The following KIAA1143 variants were observed in gnomAD, a reference collection of about 807,000 sequenced individuals.
KIAA1143 encodes KIAA1143.
In KIAA1143, 8 loss-of-function variants were observed where a neutral mutation model predicts 17.0. The ratio of observed to expected loss-of-function variants is 0.47; its 90% CI spans 0.28 to 0.85. The LOEUF is 0.85. Among genes scored for constraint, KIAA1143 ranks in the 40% least tolerant of loss-of-function variants. KIAA1143 has a pLI of 0.12. For synonymous variants in KIAA1143, 64 were observed against 67.8 expected, an observed-to-expected ratio of 0.94 and a Z score of 0.27; for missense variants, 162 against 183.3, an observed-to-expected ratio of 0.88 and a Z score of 0.67.
At chr3:44,759,894 C>CAAAAAAAAAAAAAAAAAAAAAAAAA (rs527806223) in intron 1 of KIAA1143, among the ~76,000 whole-genome samples, 1 of 51,110 alleles carries the variant, frequency 2.0e-5, no homozygotes, top group Non-Finnish European at 3.7e-5. Flanking sequence ...GACCCTATCT[C>CAAAAAAAAAAAAAAAAAAAAAAAAA]AAAAAAAAAA....
intron 1 of KIAA1143, among the ~76,000 whole-genome samples, chr3:44,760,530 C>T (rs1251453516): frequency 1.3e-5 from 2 of 152,264 alleles, no homozygotes; most frequent in East Asian, 3.9e-4. Context: ...GCTGGGACTA[C>T]AGGCGCCCGC....
At position 44,753,389 on chromosome 3, in the gene KIAA1143, A is replaced by C. The variant is rs3853404; in HGVS notation, c.417T>G (p.Ile139Met). ...CAAAAGAAAGGAGGCTACTATTTTTAATTTGTTTTTGTGAGTTCTTTTTGA... is the reference window on the plus strand; with the variant it reads ...CAAAAGAAAGGAGGCTACTATTTTTCATTTGTTTTTGTGAGTTCTTTTTGA... ...DSVKKNSQKQ[I>M]KNSSLLSFDN... Residue 139 changes from isoleucine to methionine, a missense_variant, in exon 3 of 3, where the codon ATT becomes ATG. Coordinates refer to ENST00000296121, the MANE Select transcript of KIAA1143 (RefSeq NM_020696.4). 0.039 allele frequency: 62,861 copies of C among 1,599,976 alleles called. 1,364 individuals are homozygous for C. The highest frequency in any genetic ancestry group is 0.065 in the Admixed American group (3,905 of 59,826).
At chr3:44,758,803 T>A (rs149679856) in intron 1 of KIAA1143, among the ~76,000 whole-genome samples, 3 of 152,250 alleles carry the variant, frequency 2.0e-5, no homozygotes, top group Non-Finnish European at 4.4e-5. Flanking sequence ...CAATTTACAA[T>A]ATCCAGATGC....
Position 44,751,940 on chromosome 3 carries a change from T to A in KIAA1143, c.*1401A>T, listed in dbSNP as rs187064573. ...GCAGTTACAGAAGAAAGACCCTCAG[T>A]CTCTCAGCCTCCCATAAAGATTTAC... On this transcript the variant is annotated 3_prime_UTR_variant, in exon 3 of 3. Transcript: ENST00000296121. 8.5e-5 allele frequency: 13 copies of A among 152,230 alleles called. No homozygotes were observed. Among genetic ancestry groups the A allele is most frequent in the African/African-American group, 2.9e-4 (12 of 41,536 alleles). The allele number at this position is 152,230 out of a possible 1,614,324, so 9.4% of individuals were successfully genotyped here.
intron 2 of KIAA1143, 76 bp from the exon 3 acceptor site, chr3:44,753,628 A>T: frequency 7.3e-7 from 1 of 1,361,390 alleles, no homozygotes; most frequent in Non-Finnish European, 1.0e-6. Context: ...AATAATAAGA[A>T]AATCTCATAT....
chr3:44,759,873 C>T (rs374888987), intron 1 of KIAA1143, among the ~76,000 whole-genome samples: 32 of 127,658 alleles, frequency 2.5e-4, no homozygotes, highest in African/African-American at 8.9e-4. Flanking sequence ...CTAGCCTGGG[C>T]GACAGAGTGA....
chr3:44,761,331 G>A (rs1876223), intron 1 of KIAA1143, among the ~76,000 whole-genome samples, 164 bp downstream of exon 1: 91,512 of 151,980 alleles, frequency 0.6, 28,089 homozygotes, highest in East Asian at 0.89. Flanking sequence ...AGGGGGCTGT[G>A]GTCGCTTGAA....
intron 1 of KIAA1143, among the ~76,000 whole-genome samples, chr3:44,758,857 G>A (rs1273539043): frequency 6.7e-6 from 1 of 150,122 alleles, no homozygotes; most frequent in African/African-American, 2.4e-5. Flanking sequence ...CTTACAAATG[G>A]TTTTGACTTT....
At chr3:44,754,170 T>A in intron 2 of KIAA1143, 54 bp downstream of exon 2, 2 of 1,577,656 alleles carry the variant, frequency 1.3e-6, no homozygotes, top group South Asian at 2.3e-5. Context: ...ATAAACAATT[T>A]CATACCCTGG....
intron 1 of KIAA1143, among the ~76,000 whole-genome samples, chr3:44,756,248 T>C (rs1704967822): frequency 6.6e-6 from 1 of 152,184 alleles, no homozygotes; most frequent in East Asian, 1.9e-4. Context: ...TTCAGAGACA[T>C]TTCTGAATTA....
chr3:44,750,132 CAAAA>C lies in KIAA1143; in HGVS notation c.*3205_*3208del, dbSNP rs901669323. The stretch of plus-strand genomic sequence containing the variant: ...ACATAGAGGTTGGGAAACAGAACAA[CAAAA>C]AAAAATTGATAAATTACATAACTTA... On this transcript the variant is annotated 3_prime_UTR_variant, in exon 3 of 3. Transcript: ENST00000296121. The C allele has an allele frequency of 6.6e-6, 1 of 150,424 alleles. No homozygotes were observed. The highest frequency in any genetic ancestry group is 2.4e-5 in the African/African-American group (1 of 40,946). 9.3% of individuals were successfully genotyped at this position (150,424 alleles called of 1,614,324 possible). A position where few individuals can be genotyped will look rare whatever the true frequency, so the allele number is the denominator to read the frequency against.
In KIAA1143 at chr3:44,750,422, GAT is replaced by G. The variant is rs1704879136; in HGVS notation, c.*2917_*2918del. The G allele has an allele frequency of 6.6e-6, 1 of 150,790 alleles. No individual in the cohort carries two copies. The highest frequency in any genetic ancestry group is 2.0e-4 in the East Asian group (1 of 5,098). The allele number at this position is 150,790 out of a possible 1,614,324, so 9.3% of individuals were successfully genotyped here. A position where few individuals can be genotyped will look rare whatever the true frequency, so the allele number is the denominator to read the frequency against. Reference sequence around the variant, plus strand: ...GATTGTATGAGAGTTCTAAAATTCTGATATGTCTTAATATATGTTGTAATGAT... The same window carrying G: ...GATTGTATGAGAGTTCTAAAATTCTGATGTCTTAATATATGTTGTAATGAT... On this transcript the variant is annotated 3_prime_UTR_variant, in exon 3 of 3. Coordinates refer to ENST00000296121, the MANE Select transcript of KIAA1143 (RefSeq NM_020696.4).
intron 1 of KIAA1143, among the ~76,000 whole-genome samples, chr3:44,760,836 C>T (rs1705092329): frequency 6.6e-6 from 1 of 152,126 alleles, no homozygotes; most frequent in African/African-American, 2.4e-5. Flanking sequence ...GCATGTGCCA[C>T]CATGCCCGGC....
At position 44,750,208 on chromosome 3, in the gene KIAA1143, T is replaced by A. The variant is rs1428073965; in HGVS notation, c.*3133A>T. 6.6e-6 allele frequency: 1 copy of A among 152,242 alleles called. No individual in the cohort carries two copies. Among genetic ancestry groups the A allele is most frequent in the East Asian group, 1.9e-4 (1 of 5,206 alleles). The allele number at this position is 152,242 out of a possible 1,614,324, so 9.4% of individuals were successfully genotyped here. ...ACCATACTAATGGAAAAAAGTTAAT[T>A]CAAAAACTTTTGACCTTAAACTAAC... On this transcript the variant is annotated 3_prime_UTR_variant, in exon 3 of 3. Transcript: ENST00000296121.
At chr3:44,761,244 A>G (rs927685683) in intron 1 of KIAA1143, among the ~76,000 whole-genome samples, 4 of 152,212 alleles carry the variant, frequency 2.6e-5, no homozygotes, top group African/African-American at 4.8e-5. Flanking sequence ...CCATCTACCA[A>G]GGACCAGGTG....
At chr3:44,760,845 G>A (rs1055795608) in intron 1 of KIAA1143, among the ~76,000 whole-genome samples, 4 of 152,096 alleles carry the variant, frequency 2.6e-5, no homozygotes, top group Admixed American at 2.0e-4. Context: ...ACCATGCCCG[G>A]CTAATTTTTG....
Position 44,753,315 on chromosome 3 carries a change from G to A in KIAA1143, c.*26C>T. ...AATGAACACTCCATATACTTTCAAA[G>A]TAGACTAAATTCAAAATATTTACAC... On this transcript the variant is annotated 3_prime_UTR_variant, in exon 3 of 3. Transcript: ENST00000296121. The A allele has an allele frequency of 6.5e-7, 1 of 1,538,350 alleles. No individual in the cohort carries two copies. Among genetic ancestry groups the A allele is most frequent in the Non-Finnish European group, 9.0e-7 (1 of 1,113,858 alleles).
At chr3:44,754,979 G>T (rs543768839) in intron 1 of KIAA1143, among the ~76,000 whole-genome samples, 1 of 152,238 alleles carries the variant, frequency 6.6e-6, no homozygotes, top group African/African-American at 2.4e-5. Flanking sequence ...AAAGTACAGA[G>T]AATAACATAA....
intron 2 of KIAA1143, 143 bp from the exon 3 acceptor site, chr3:44,753,695 C>T (rs1202390293): frequency 1.3e-6 from 1 of 777,806 alleles, no homozygotes; most frequent in Non-Finnish European, 2.0e-6. Flanking sequence ...TTGTTTCTAG[C>T]TATATTGCCC....
Sources: gnomAD v4.1 joint callset for allele counts (sites outside exome capture counted in the v4.1 genomes callset) on GRCh38, gnomAD v4.1.1 for gene constraint, MANE v1.5 for transcripts, NCBI Gene and HGNC (gene_info 2026-07-23, HGNC 2026-07-21) for gene names.